The following GAS7 variants were observed in gnomAD, a reference collection of about 807,000 sequenced individuals.
GAS7 encodes growth arrest-specific protein 7.
Under a neutral mutation model 71.1 loss-of-function variants are expected in GAS7, and 28 were observed. That is an observed-to-expected ratio of 0.39 (90% CI 0.29 to 0.54). The LOEUF (loss-of-function observed/expected upper bound fraction) is 0.54. Among genes scored for constraint, GAS7 ranks in the 20% least tolerant of loss-of-function variants. GAS7 has a pLI of 0.62. For missense variants in GAS7, 436 were observed against 627.8 expected (o/e 0.69, Z 3.27); for synonymous variants, 258 against 245.8 (o/e 1.05, Z -0.46).
intron 1 of GAS7, among the ~76,000 whole-genome samples, chr17:10,153,375 G>A (rs1470591790): frequency 2.0e-5 from 3 of 151,806 alleles, no homozygotes; most frequent in Non-Finnish European, 4.4e-5. Flanking sequence ...AAATTAGCCG[G>A]GTGTGGTGGC....
intron 3 of GAS7, among the ~76,000 whole-genome samples, chr17:9,978,306 G>A (rs1430158133): frequency 1.3e-5 from 2 of 150,262 alleles, no homozygotes; most frequent in Non-Finnish European, 3.0e-5. Flanking sequence ...GGGAAAATGA[G>A]GCCTGGCAAG....
intron 1 of GAS7, among the ~76,000 whole-genome samples, chr17:10,024,539 C>A (rs753479300): frequency 6.6e-6 from 1 of 152,078 alleles, no homozygotes; most frequent in African/African-American, 2.4e-5. Context: ...TGGGGGAAAA[C>A]GAAGGAAGTT....
chr17:10,165,943 C>T (rs754877841), intron 1 of GAS7, among the ~76,000 whole-genome samples: 1 of 152,050 alleles, frequency 6.6e-6, no homozygotes, highest in Admixed American at 6.5e-5. Flanking sequence ...TGTCCTTGGT[C>T]GGCCTCGCAG....
intron 6 of GAS7, 48 bp from the exon 7 acceptor site, chr17:9,943,284 G>A (rs775441981): frequency 9.1e-7 from 1 of 1,093,648 alleles, no homozygotes; most frequent in Non-Finnish European, 1.4e-6. Flanking sequence ...TCTGAGTCTG[G>A]AGCCAGGGAG....
At chr17:10,007,501 G>A (rs2071584526) in intron 2 of GAS7, among the ~76,000 whole-genome samples, 1 of 151,830 alleles carries the variant, frequency 6.6e-6, no homozygotes, top group African/African-American at 2.4e-5. Context: ...GTGGGCACCT[G>A]TAATCCCAGC....
At chr17:9,936,173 G>A (rs2068394552) in intron 8 of GAS7, among the ~76,000 whole-genome samples, 1 of 152,188 alleles carries the variant, frequency 6.6e-6, no homozygotes, top group Non-Finnish European at 1.5e-5. Context: ...TAGGGTGAAA[G>A]CCAACACTAT....
rs1453398253 is a variant in GAS7 at position 10,168,800 on chromosome 17, A to G, written c.183+29408T>C. 6.1e-5 allele frequency among the ~76,000 whole-genome samples: 9 copies of G among 146,694 alleles called. No individual in the cohort carries two copies. The East Asian group carries it at 8.2e-4, about 13-fold the overall frequency. On this transcript the variant is annotated intron_variant, in intron 1 of 13. Coordinates refer to ENST00000432992, the MANE Select transcript of GAS7 (RefSeq NM_201433.2). ...AGCCTGGCCAACATGGTGAAACACCATCTCTACTAAAAATACAAAATTAGC... is the reference window on the plus strand; with the variant it reads ...AGCCTGGCCAACATGGTGAAACACCGTCTCTACTAAAAATACAAAATTAGC...
At chr17:10,181,159 A>C (rs2074412458) in intron 1 of GAS7, among the ~76,000 whole-genome samples, 1 of 146,968 alleles carries the variant, frequency 6.8e-6, no homozygotes, top group Admixed American at 6.7e-5. Flanking sequence ...CAGGAGATCG[A>C]GACCATCCTG....
intron 5 of GAS7, among the ~76,000 whole-genome samples, chr17:9,947,466 C>G (rs902055548): frequency 6.6e-6 from 1 of 152,064 alleles, no homozygotes; most frequent in Non-Finnish European, 1.5e-5. Context: ...GGAAAGCGGC[C>G]GGGCGCGGTG....
At chr17:9,971,372 A>G (rs1359187960) in intron 3 of GAS7, among the ~76,000 whole-genome samples, 1 of 152,186 alleles carries the variant, frequency 6.6e-6, no homozygotes, top group African/African-American at 2.4e-5. Flanking sequence ...CAGCCCGGAC[A>G]ACACCGTGAG....
chr17:10,027,502 G>A lies in GAS7; in HGVS notation c.184-7605C>T, dbSNP rs149200452. On this transcript the variant is annotated intron_variant, in intron 1 of 13. Transcript: ENST00000432992. ...GATTAAGAGGTGGGACCTTTAAGAG[G>A]TGATCAGCCCATGAGGGCGCCTCCT... Among the ~76,000 whole-genome samples, 702 of 152,328 alleles carry A rather than the reference G, an allele frequency of 4.6e-3. 13 individuals carry two copies. The highest frequency in any genetic ancestry group is 0.033 in the East Asian group (170 of 5,178).
chr17:10,104,256 G>A (rs562590472), intron 1 of GAS7, among the ~76,000 whole-genome samples: 16 of 152,248 alleles, frequency 1.1e-4, no homozygotes, highest in African/African-American at 2.6e-4. Flanking sequence ...TTCTAGAGTC[G>A]TTGGCCAGCC....
intron 5 of GAS7, among the ~76,000 whole-genome samples, chr17:9,949,043 A>C (rs947224071): frequency 6.6e-6 from 1 of 152,160 alleles, no homozygotes; most frequent in Non-Finnish European, 1.5e-5. Flanking sequence ...CCAGTGAGGT[A>C]CCCAGGCGTC....
At position 10,075,505 on chromosome 17, in the gene GAS7, A is replaced by G. The variant is rs1186050652; in HGVS notation, c.184-55608T>C. Among the ~76,000 whole-genome samples, 3 of 152,196 alleles carry G rather than the reference A, an allele frequency of 2.0e-5. No individual in the cohort carries two copies. In the East Asian group the frequency reaches 5.8e-4, roughly 29 times the overall value. ...GAATATATTATAACACAGTGAGGCA[A>G]CAAAAAGAAATAAATAAATGAAATA... On this transcript the variant is annotated intron_variant, in intron 1 of 13. Transcript: ENST00000432992.
intron 1 of GAS7, among the ~76,000 whole-genome samples, chr17:10,098,494 C>G (rs75824349): frequency 6.6e-6 from 1 of 152,196 alleles, no homozygotes; most frequent in Non-Finnish European, 1.5e-5. Flanking sequence ...AAGAAAGAAG[C>G]CTTTGTTTGC....
At chr17:9,923,004 G>C (rs542676034) in intron 11 of GAS7, among the ~76,000 whole-genome samples, 2 of 152,292 alleles carry the variant, frequency 1.3e-5, no homozygotes, top group South Asian at 2.1e-4. Context: ...TGCCTTCTGG[G>C]TTCAAGCGAT....
chr17:10,001,506 G>C (rs1390483331), intron 2 of GAS7, among the ~76,000 whole-genome samples: 1 of 152,202 alleles, frequency 6.6e-6, no homozygotes, highest in Non-Finnish European at 1.5e-5. Flanking sequence ...GGGAAAAAAG[G>C]GAAGTGGAGG....
At chr17:10,147,464 CA>C (rs2074130623) in intron 1 of GAS7, among the ~76,000 whole-genome samples, 2 of 152,170 alleles carry the variant, frequency 1.3e-5, no homozygotes, top group Admixed American at 6.6e-5. Flanking sequence ...CAAAAGGAAA[CA>C]TCCTCAAAGT....
chr17:10,049,241 C>T (rs1481253812), intron 1 of GAS7, among the ~76,000 whole-genome samples: 1 of 152,210 alleles, frequency 6.6e-6, no homozygotes, highest in East Asian at 1.9e-4. Flanking sequence ...TCTTTATTTT[C>T]TGCATGTTAA....
Sources: allele counts gnomAD v4.1 joint callset (sites outside exome capture counted in the v4.1 genomes callset), GRCh38; gene constraint gnomAD v4.1.1; transcripts MANE v1.5; gene names NCBI Gene and HGNC (gene_info 2026-07-23, HGNC 2026-07-21).